The following KCNH7 variants were observed in gnomAD, a reference collection of about 807,000 sequenced individuals.
The protein encoded by KCNH7 is potassium voltage-gated channel subfamily H member 7.
KCNH7 carries 49 observed loss-of-function variants against 120.8 expected under a neutral mutation model. The observed-to-expected ratio is 0.41, with a 90% confidence interval of 0.32 to 0.51. KCNH7 has a LOEUF of 0.51. KCNH7 is among the 20% of genes least tolerant of loss of function. The pLI, the probability that KCNH7 is intolerant of heterozygous loss-of-function variation, is 0.38. For missense variants in KCNH7, 1,097 were observed against 1,446.6 expected (o/e 0.76, Z 3.92); for synonymous variants, 547 against 516.1 (o/e 1.06, Z -0.81).
At chr2:162,662,530 A>G (rs1339356712) in intron 2 of KCNH7, among the ~76,000 whole-genome samples, 1 of 152,186 alleles carries the variant, frequency 6.6e-6, no homozygotes, top group Non-Finnish European at 1.5e-5. Context: ...GTGTGCCAAA[A>G]AAGTCTTTGA....
chr2:162,820,033 CTTT>C (rs66809770), intron 2 of KCNH7, among the ~76,000 whole-genome samples: 5 of 77,030 alleles, frequency 6.5e-5, no homozygotes, highest in Admixed American at 1.7e-4. Flanking sequence ...ATTCCATAAA[CTTT>C]TTTTTTTTTT....
At chr2:162,547,377 G>A (rs530403509) in intron 2 of KCNH7, among the ~76,000 whole-genome samples, 1 of 152,278 alleles carries the variant, frequency 6.6e-6, no homozygotes, top group East Asian at 1.9e-4. Flanking sequence ...GAGAGCATGA[G>A]CAATGTGGAA....
intron 2 of KCNH7, among the ~76,000 whole-genome samples, chr2:162,818,506 G>T (rs1479787482): frequency 1.3e-5 from 2 of 152,028 alleles, no homozygotes; most frequent in Admixed American, 1.3e-4. Context: ...TTCTTAAAAT[G>T]AGGTGCCTTG....
chr2:162,748,192 G>T (rs1218311299), intron 2 of KCNH7, among the ~76,000 whole-genome samples: 3 of 152,198 alleles, frequency 2.0e-5, no homozygotes, highest in African/African-American at 7.2e-5. Flanking sequence ...GGGAAATCCT[G>T]TGGGGTACCC....
intron 3 of KCNH7, among the ~76,000 whole-genome samples, chr2:162,521,721 A>C (rs538375584): frequency 6.6e-5 from 10 of 151,928 alleles, no homozygotes; most frequent in Non-Finnish European, 1.5e-4. Flanking sequence ...GATATGCATC[A>C]TCTCAAGCAT....
At position 162,536,925 on chromosome 2, in the gene KCNH7, G is replaced by A. The variant is rs750167052; in HGVS notation, c.463C>T (p.Arg155Trp). The stretch of plus-strand genomic sequence containing the variant: ...TGAGTACACATTGCCTTTTACTTAC[G>A]GTTTACAGTTTTGATTGGTAATATT... ...NPILPIKTVN[R>W]KFFGFKFPGL... Residue 155 changes from arginine (R) to tryptophan (W), a missense_variant and splice_region_variant, in exon 3 of 16, where the codon CGG (arginine) becomes TGG (tryptophan). Coordinates refer to ENST00000332142, the MANE Select transcript of KCNH7 (RefSeq NM_033272.4). 6.8e-6 allele frequency: 11 copies of A among 1,610,728 alleles called. No homozygotes were observed. The highest frequency in any genetic ancestry group is 2.2e-5 in the South Asian group (2 of 90,814).
chr2:162,832,983 T>G (rs1685531470), intron 2 of KCNH7, among the ~76,000 whole-genome samples: 1 of 152,016 alleles, frequency 6.6e-6, no homozygotes, highest in Non-Finnish European at 1.5e-5. Flanking sequence ...CATACATTTC[T>G]GATCTGTTAG....
At chr2:162,579,997 A>G (rs1020018551) in intron 2 of KCNH7, among the ~76,000 whole-genome samples, 2 of 152,048 alleles carry the variant, frequency 1.3e-5, no homozygotes, top group Non-Finnish European at 2.9e-5. Context: ...AGCTGTTGCT[A>G]GTTCCTATAG....
intron 2 of KCNH7, among the ~76,000 whole-genome samples, chr2:162,546,690 G>A (rs1162455153): frequency 5.9e-5 from 9 of 151,950 alleles, no homozygotes; most frequent in Non-Finnish European, 1.0e-4. Flanking sequence ...TTTGGAGCAG[G>A]GAGTTACAAA....
At chr2:162,748,046 A>G (rs1044493688) in intron 2 of KCNH7, among the ~76,000 whole-genome samples, 6 of 152,198 alleles carry the variant, frequency 3.9e-5, no homozygotes, top group Non-Finnish European at 7.4e-5. Flanking sequence ...TCAAATTATA[A>G]TCTTTGGAGA....
intron 2 of KCNH7, among the ~76,000 whole-genome samples, chr2:162,750,125 G>A (rs1048140907): frequency 1.3e-5 from 2 of 152,046 alleles, no homozygotes; most frequent in Non-Finnish European, 2.9e-5. Flanking sequence ...AATCATTAGT[G>A]ACAGAAAATC....
intron 5 of KCNH7, among the ~76,000 whole-genome samples, chr2:162,512,078 T>C (rs1691098562): frequency 6.6e-6 from 1 of 151,724 alleles, no homozygotes; most frequent in African/African-American, 2.4e-5. Context: ...TAGTTGTAGG[T>C]CATGCCAGTG....
chr2:162,577,426 G>A (rs1437835641), intron 2 of KCNH7, among the ~76,000 whole-genome samples: 1 of 148,020 alleles, frequency 6.8e-6, no homozygotes, highest in African/African-American at 2.5e-5. Flanking sequence ...TTCATAGGTA[G>A]GGGAAAAAAT....
chr2:162,504,742 T>G (rs1690811985), intron 5 of KCNH7, 85 bp from the exon 6 acceptor site: 1 of 810,918 alleles, frequency 1.2e-6, no homozygotes, highest in South Asian at 1.6e-5. Flanking sequence ...TAATGATTCC[T>G]GACCAATATG....
intron 5 of KCNH7, among the ~76,000 whole-genome samples, chr2:162,511,151 A>G (rs1336974262): frequency 1.3e-5 from 2 of 151,778 alleles, no homozygotes; most frequent in Non-Finnish European, 1.5e-5. Flanking sequence ...GAGTTGAGAA[A>G]AAAAGGTTGG....
At chr2:162,431,498 G>GC (rs1688067625) in intron 8 of KCNH7, among the ~76,000 whole-genome samples, 1 of 151,716 alleles carries the variant, frequency 6.6e-6, no homozygotes, top group Admixed American at 6.6e-5. Flanking sequence ...TCTTATTATT[G>GC]CCAAATTTCA....
In KCNH7 at chr2:162,446,248, G is replaced by A; in HGVS notation, c.1324C>T (p.Arg442Ter). 4 of 1,613,794 alleles carry A rather than the reference G, an allele frequency of 2.5e-6. No homozygotes were observed. Among genetic ancestry groups the A allele is most frequent in the Non-Finnish European group, 3.4e-6 (4 of 1,179,808 alleles). The change falls in exon 7 of 16, where the codon CGA becomes TGA. Residue 442 changes from arginine (R) to a stop codon, truncating the protein, a stop_gained. Transcript: ENST00000332142. LOFTEE classifies it high-confidence loss of function. The stretch of plus-strand genomic sequence containing the variant: ...GGGCTACAAGAATAGCCACATTCTC[G>A]TCTTTTCTGTTCTTCTCTGTCATTG... ...LLNDREEQKRRECGYSCSPLN... is the reference protein window; with the variant it reads ...LLNDREEQKR
At chr2:162,828,445 G>C (rs1006631363) in intron 2 of KCNH7, among the ~76,000 whole-genome samples, 3 of 151,826 alleles carry the variant, frequency 2.0e-5, no homozygotes, top group Admixed American at 1.3e-4. Flanking sequence ...CTACATGATG[G>C]GCAACAGACA....
Position 162,781,094 on chromosome 2 carries a change from T to A in KCNH7, c.307+55443A>T, listed in dbSNP as rs181258903. ...CTCTATTTTAATTTTTAATTATATTTCTGAGGAAACTGAGAACCAGAGGTT... is the reference window on the plus strand; with the variant it reads ...CTCTATTTTAATTTTTAATTATATTACTGAGGAAACTGAGAACCAGAGGTT... On this transcript the variant is annotated intron_variant, in intron 2 of 15. Coordinates refer to ENST00000332142, the MANE Select transcript of KCNH7 (RefSeq NM_033272.4). Among the ~76,000 whole-genome samples the A allele has an allele frequency of 7.8e-4, 118 of 152,174 alleles. No individual in the cohort carries two copies. In the Middle Eastern group the frequency reaches 0.01, roughly 13 times the overall value.
Sources: allele counts gnomAD v4.1 joint callset (sites outside exome capture counted in the v4.1 genomes callset), GRCh38; gene constraint gnomAD v4.1.1; transcripts MANE v1.5; gene names NCBI Gene and HGNC (gene_info 2026-07-23, HGNC 2026-07-21).